PSME4: variants seen among roughly 807,000 people sequenced by gnomAD.
PSME4 encodes proteasome activator subunit 4.
A neutral mutation model predicts 253.9 loss-of-function variants in PSME4; 89 were observed. The observed-to-expected ratio is 0.35, with a 90% confidence interval of 0.30 to 0.42. The LOEUF (loss-of-function observed/expected upper bound fraction) is 0.42, where lower values mean the gene tolerates loss of function less well. Ranked by LOEUF, PSME4 falls within the 10% of genes least tolerant of loss-of-function variation. PSME4 has a pLI of 1.00. For missense variants in PSME4, 2,014 were observed against 2,195.2 expected, an observed-to-expected ratio of 0.92 and a Z score of 1.65; for synonymous variants, 851 against 759.2, an observed-to-expected ratio of 1.12 and a Z score of -1.99.
intron 20 of PSME4, among the ~76,000 whole-genome samples, chr2:53,910,587 A>C (rs1667786418): frequency 6.6e-6 from 1 of 152,200 alleles, no homozygotes; most frequent in Non-Finnish European, 1.5e-5. Flanking sequence ...CTTTTTGAAG[A>C]AATTCAGGTA....
chr2:53,915,467 C>T (rs940461441), intron 20 of PSME4, among the ~76,000 whole-genome samples: 3 of 151,676 alleles, frequency 2.0e-5, no homozygotes, highest in African/African-American at 7.3e-5. Flanking sequence ...TGTGGTGGCT[C>T]ACACCTGTAA....
intron 1 of PSME4, among the ~76,000 whole-genome samples, chr2:53,969,542 G>T (rs1670929724): frequency 1.3e-5 from 2 of 152,082 alleles, no homozygotes; most frequent in African/African-American, 4.8e-5. Flanking sequence ...ACCCACATGC[G>T]TGAACATACC....
At chr2:53,957,409 T>G (rs1670285444) in intron 1 of PSME4, among the ~76,000 whole-genome samples, 1 of 152,082 alleles carries the variant, frequency 6.6e-6, no homozygotes, top group South Asian at 2.1e-4. Flanking sequence ...ATGGTCCCAT[T>G]GGGGGGTGAT....
chr2:53,889,066 C>T (rs896610900), intron 37 of PSME4, among the ~76,000 whole-genome samples: 2 of 151,912 alleles, frequency 1.3e-5, no homozygotes, highest in Non-Finnish European at 2.9e-5. Flanking sequence ...AGTCTCCCTA[C>T]GTTGCCCAGG....
At chr2:53,916,378 A>G (rs1328438367) in intron 20 of PSME4, among the ~76,000 whole-genome samples, 2 of 152,194 alleles carry the variant, frequency 1.3e-5, no homozygotes, top group Non-Finnish European at 2.9e-5. Context: ...TTTTCCTCAG[A>G]CATCTTAGAC....
At position 53,895,712 on chromosome 2, in the gene PSME4, A is replaced by C. The variant is rs769536656; in HGVS notation, c.3713T>G (p.Ile1238Ser). 6 of 1,611,604 alleles carry C rather than the reference A, an allele frequency of 3.7e-6. No individual in the cohort carries two copies. In the South Asian group the frequency reaches 6.6e-5, roughly 18 times the overall value. The change falls in exon 33 of 47, where the codon ATT becomes AGT. Residue 1238 changes from isoleucine to serine, a missense_variant. Physicochemically the swap from Ile to Ser is moderately radical, Grantham distance 142. This residue lies in a region of PSME4 where 989 missense variants were observed against 1,021.1 expected (regional missense o/e 0.97). Coordinates refer to ENST00000404125, the MANE Select transcript of PSME4 (RefSeq NM_014614.3). ...ATTATCAGGCCTATCACCAGCAATA[A>C]TTTGGGTGGGTTTAGGGCATCCACC... ...EISGCPKPTQ[I>S]IAGDRPDNHW...
In PSME4 at chr2:53,908,528, T is replaced by C. The variant is rs1667670560; in HGVS notation, c.2667A>G (p.Ser889=). 3.7e-6 allele frequency: 6 copies of C among 1,608,958 alleles called. No individual in the cohort carries two copies. The highest frequency in any genetic ancestry group is 5.1e-6 in the Non-Finnish European group (6 of 1,177,494). The change falls in exon 23 of 47, where the codon TCA becomes TCG. Residue 889 remains serine, a synonymous_variant. Coordinates refer to ENST00000404125, the MANE Select transcript of PSME4 (RefSeq NM_014614.3). ...AATGTACCTTTATAATAAGAAACAA[T>C]GACTTAGTATCATCTTCTGAATTAT... ...ILDNSEDDTK[S]LFLIIKIIGD...
At chr2:53,868,535 TA>T (rs2104407693) in intron 44 of PSME4, among the ~76,000 whole-genome samples, 1 of 55,822 alleles carries the variant, frequency 1.8e-5, no homozygotes, top group Non-Finnish European at 3.7e-5. Flanking sequence ...ATATATAATA[TA>T]TATTATAAAT....
chr2:53,929,750 G>A (rs1668735444), intron 10 of PSME4, among the ~76,000 whole-genome samples: 1 of 151,982 alleles, frequency 6.6e-6, no homozygotes, highest in Non-Finnish European at 1.5e-5. Flanking sequence ...AGCCATGGTG[G>A]CTCACACCTG....
Position 53,931,909 on chromosome 2 carries a change from A to G in PSME4, c.1242T>C (p.Ser414=). ...TCTGCAAAGCCTGGGCTGCTTCTAGACTACCGGTTTTGCTAAACATAGCCA... is the reference window on the plus strand; with the variant it reads ...TCTGCAAAGCCTGGGCTGCTTCTAGGCTACCGGTTTTGCTAAACATAGCCA... ...VLLAMFSKTG[S]LEAAQALQNL... The change falls in exon 10 of 47, where the codon AGT becomes AGC. Residue 414 remains serine (S), a synonymous_variant. Transcript: ENST00000404125. 1 of 1,614,200 alleles carries G rather than the reference A, an allele frequency of 6.2e-7. No homozygotes were observed. The highest frequency in any genetic ancestry group is 8.5e-7 in the Non-Finnish European group (1 of 1,180,022).
Position 53,932,075 on chromosome 2 carries a change from C to T in PSME4, c.1076G>A (p.Arg359Gln), listed in dbSNP as rs775712608. Residue 359 changes from arginine to glutamine, a missense_variant, in exon 10 of 47, where the codon CGG becomes CAG. Arg to Gln is a conservative substitution (Grantham distance 43, BLOSUM62 1). Around this residue, in one of 4 missense-constraint regions of PSME4, gnomAD observed 615 missense variants for 594.4 expected, o/e 1.03. Coordinates refer to ENST00000404125, the MANE Select transcript of PSME4 (RefSeq NM_014614.3). ...TCTTCTAACAACACTGTTTGGCAAC[C>T]GCTGAAGTAGTTTCATTAACTTGTT... ...WLNKLMKLLQ[R>Q]LPNSVVRRLH... 25 of 1,613,836 alleles carry T rather than the reference C, an allele frequency of 1.5e-5. No homozygotes were observed. The highest frequency in any genetic ancestry group is 2.2e-5 in the South Asian group (2 of 91,060).
chr2:53,958,549 A>C (rs1055533575), intron 1 of PSME4, among the ~76,000 whole-genome samples: 1 of 152,224 alleles, frequency 6.6e-6, no homozygotes, highest in East Asian at 1.9e-4. Flanking sequence ...TTAATTAAAC[A>C]GTCAATATCA....
intron 28 of PSME4, among the ~76,000 whole-genome samples, chr2:53,900,709 G>T (rs1265844283): frequency 6.6e-6 from 1 of 152,040 alleles, no homozygotes; most frequent in East Asian, 1.9e-4. Flanking sequence ...AATGACAGTC[G>T]CAAATAGCAA....
chr2:53,881,772 TG>T (rs1446776506), intron 41 of PSME4, among the ~76,000 whole-genome samples: 1 of 152,056 alleles, frequency 6.6e-6, no homozygotes, highest in Non-Finnish European at 1.5e-5. Context: ...TTAGTAGAGA[TG>T]GGGTTTCACC....
At chr2:53,914,710 G>T (rs1166563263) in intron 20 of PSME4, among the ~76,000 whole-genome samples, 2 of 151,944 alleles carry the variant, frequency 1.3e-5, no homozygotes, top group African/African-American at 2.4e-5. Flanking sequence ...GTGAAACCCT[G>T]TCTCTACTAA....
intron 7 of PSME4, 64 bp from the exon 8 acceptor site, chr2:53,934,791 A>C: frequency 2.3e-6 from 3 of 1,280,564 alleles, no homozygotes; most frequent in Non-Finnish European, 2.2e-6. Flanking sequence ...TAGCTTAGTA[A>C]GTGCTGTATA....
intron 46 of PSME4, 29 bp downstream of exon 46, chr2:53,866,056 A>T: frequency 6.4e-7 from 1 of 1,573,926 alleles, no homozygotes; most frequent in South Asian, 1.1e-5. Flanking sequence ...TCACCAAACC[A>T]ATGTAAATTC....
intron 26 of PSME4, 44 bp downstream of exon 26, chr2:53,906,554 T>C (rs1334398037): frequency 1.4e-6 from 2 of 1,456,362 alleles, no homozygotes; most frequent in South Asian, 1.6e-5. Context: ...TTGCATGTAA[T>C]AAAATGGGAG....
intron 14 of PSME4, among the ~76,000 whole-genome samples, chr2:53,924,768 C>G (rs779870067): frequency 1.8e-4 from 28 of 152,234 alleles, no homozygotes; most frequent in South Asian, 6.2e-4. Context: ...TGCTATCCCC[C>G]CTGCGACAGT....
Sources: gnomAD v4.1 joint callset for allele counts (sites outside exome capture counted in the v4.1 genomes callset) on GRCh38, gnomAD v4.1.1 for gene constraint, gnomAD v4.1.1 regional missense constraint, MANE v1.5 for transcripts, NCBI Gene and HGNC (gene_info 2026-07-23, HGNC 2026-07-21) for gene names.